RIMBP2: variants seen among roughly 807,000 people sequenced by gnomAD.
The protein encoded by RIMBP2 is RIMS binding protein 2, also known as RIMS-binding protein 2.
RIMBP2 carries 48 observed loss-of-function variants against 118.6 expected under a neutral mutation model. That is an observed-to-expected ratio of 0.40 (90% CI 0.32 to 0.51). RIMBP2 has a LOEUF of 0.51. RIMBP2 is among the 20% of genes least tolerant of loss of function. The pLI, the probability that RIMBP2 is intolerant of heterozygous loss-of-function variation, is 0.41. For missense variants in RIMBP2, 1,551 were observed against 1,768.3 expected, an observed-to-expected ratio of 0.88 and a Z score of 2.20; for synonymous variants, 762 against 742.9, an observed-to-expected ratio of 1.03 and a Z score of -0.42.
intron 1 of RIMBP2, among the ~76,000 whole-genome samples, chr12:130,695,539 G>A (rs1333283339): frequency 6.6e-6 from 1 of 152,156 alleles, no homozygotes; most frequent in Non-Finnish European, 1.5e-5. Flanking sequence ...TCCAGGAGTT[G>A]AAGACCAACC....
At chr12:130,509,155 G>A (rs1424118194) in intron 3 of RIMBP2, among the ~76,000 whole-genome samples, 1 of 152,192 alleles carries the variant, frequency 6.6e-6, no homozygotes, top group African/African-American at 2.4e-5. Context: ...CAGGATTTGG[G>A]GAGAATTCCT....
intron 1 of RIMBP2, among the ~76,000 whole-genome samples, chr12:130,696,171 G>A (rs1362875122): frequency 1.3e-5 from 2 of 152,182 alleles, no homozygotes; most frequent in Non-Finnish European, 2.9e-5. Context: ...GTGTCCACAA[G>A]GACAGGCACA....
At chr12:130,438,335 A>ACCGGGGCCCCCCCCCCC in intron 12 of RIMBP2, 30 bp downstream of exon 12, 2 of 865,014 alleles carry the variant, frequency 2.3e-6, no homozygotes, top group Non-Finnish European at 1.9e-6. Flanking sequence ...GGCCTAACAA[A>ACCGGGGCCCCCCCCCCC]CCCTCCCCAC....
intron 2 of RIMBP2, among the ~76,000 whole-genome samples, chr12:130,625,971 T>C (rs1410104453): frequency 2.0e-5 from 3 of 152,222 alleles, no homozygotes; most frequent in African/African-American, 7.2e-5. Context: ...TTTGTCTTTT[T>C]AGGGCATACA....
chr12:130,520,196 C>T (rs2051930421), intron 2 of RIMBP2, among the ~76,000 whole-genome samples: 1 of 152,170 alleles, frequency 6.6e-6, no homozygotes. Flanking sequence ...GATTCAAGGT[C>T]AGTTGCTTAT....
At chr12:130,665,981 C>T (rs111575021) in intron 1 of RIMBP2, among the ~76,000 whole-genome samples, 2,093 of 152,234 alleles carry the variant, frequency 0.014, 21 homozygotes, top group Non-Finnish European at 0.022. Context: ...ATCCTGTCTC[C>T]CTCTTTTTCT....
intron 4 of RIMBP2, among the ~76,000 whole-genome samples, chr12:130,502,032 G>A (rs953927181): frequency 6.6e-6 from 1 of 152,214 alleles, no homozygotes; most frequent in Non-Finnish European, 1.5e-5. Flanking sequence ...GGCCTTATGA[G>A]GTCTTCCATG....
At chr12:130,644,779 A>G (rs1213008523) in intron 1 of RIMBP2, among the ~76,000 whole-genome samples, 3 of 152,236 alleles carry the variant, frequency 2.0e-5, no homozygotes, top group African/African-American at 7.2e-5. Context: ...TATGTCTGAA[A>G]TCATCCTCCG....
intron 10 of RIMBP2, 111 bp downstream of exon 10, chr12:130,445,049 T>G: frequency 1.6e-5 from 11 of 667,378 alleles, no homozygotes. Flanking sequence ...GAGGGCTGGG[T>G]GGCCAGGAGT....
In RIMBP2 at chr12:130,442,765, AGGGTTGCCCTG is replaced by A; in HGVS notation, c.692-116_692-106del. 1.0e-6 allele frequency: 1 copy of A among 980,150 alleles called. No individual in the cohort carries two copies. The highest frequency in any genetic ancestry group is 1.7e-5 in the South Asian group (1 of 59,932). The allele number at this position is 980,150 out of a possible 1,614,324, so 60.7% of individuals were successfully genotyped here. A position where few individuals can be genotyped will look rare whatever the true frequency, so the allele number is the denominator to read the frequency against. On this transcript the variant is annotated intron_variant, in intron 10 of 22. Coordinates refer to ENST00000690449, the MANE Select transcript of RIMBP2 (RefSeq NM_001393629.1). This position sits in a 1 kb window ranked among gnomAD's most constrained non-coding sequence, Gnocchi z 6.9. ...CACCAGGACCATAAGGCAGAGCAAC[AGGGTTGCCCTG>A]GGGCTCCTCCGCTGTTCCCAGGAGT... is the stretch of plus-strand genomic sequence containing the variant.
intron 1 of RIMBP2, among the ~76,000 whole-genome samples, chr12:130,714,737 C>T (rs915650328): frequency 6.6e-6 from 1 of 152,244 alleles, no homozygotes; most frequent in Non-Finnish European, 1.5e-5. Context: ...CTTCCCCTCA[C>T]ACCGTGCCCC....
intron 22 of RIMBP2, chr12:130,399,182 A>G (rs1218739395): frequency 1.5e-6 from 2 of 1,319,924 alleles, no homozygotes; most frequent in Non-Finnish European, 2.0e-6. Context: ...GCAGATGAGC[A>G]AAGAAATAAA....
chr12:130,672,121 G>A (rs1028902277), intron 1 of RIMBP2, among the ~76,000 whole-genome samples: 5 of 152,124 alleles, frequency 3.3e-5, no homozygotes, highest in South Asian at 4.1e-4. Context: ...TGGACGACTC[G>A]GAATGTGCCT....
At chr12:130,606,333 T>G (rs912361484) in intron 2 of RIMBP2, among the ~76,000 whole-genome samples, 1 of 152,212 alleles carries the variant, frequency 6.6e-6, no homozygotes, top group Non-Finnish European at 1.5e-5. Flanking sequence ...CCTCTCACTA[T>G]TATTCTACCA....
At position 130,424,826 on chromosome 12, in the gene RIMBP2, A is replaced by G; in HGVS notation, c.2445T>C (p.Thr815=). ...DCTDHRTSEG[T]FWEQPEFPHQ... ...GGGGAAACTCGGGCTGCTCCCAGAA[A>G]GTGCCTTCCGAGGTCCTATGGTCAG... Residue 815 remains threonine (T), a synonymous_variant, in exon 16 of 23, where the codon ACT becomes ACC. Transcript: ENST00000690449. The surrounding 1 kb of genome is among the most constrained non-coding windows in gnomAD (Gnocchi z 9.8). 2 of 1,232,666 alleles carry G rather than the reference A, an allele frequency of 1.6e-6. No individual in the cohort carries two copies. Among genetic ancestry groups the G allele is most frequent in the Middle Eastern group, 3.1e-4 (1 of 3,214 alleles). 76.4% of individuals were successfully genotyped at this position (1,232,666 alleles called of 1,614,324 possible).
intron 2 of RIMBP2, among the ~76,000 whole-genome samples, chr12:130,587,785 T>A (rs1228647257): frequency 8.7e-5 from 12 of 137,502 alleles, no homozygotes; most frequent in Non-Finnish European, 4.6e-5. Context: ...CATATGTAAC[T>A]AACCTGCACA....
At chr12:130,415,572 T>G (rs1194726315) in intron 17 of RIMBP2, among the ~76,000 whole-genome samples, 7 of 152,066 alleles carry the variant, frequency 4.6e-5, no homozygotes, top group South Asian at 2.1e-4. Flanking sequence ...GAGAAAGAAA[T>G]AAAAGGCATC....
intron 1 of RIMBP2, among the ~76,000 whole-genome samples, chr12:130,631,580 C>T (rs1012988499): frequency 1.6e-4 from 24 of 152,186 alleles, no homozygotes; most frequent in African/African-American, 5.1e-4. Flanking sequence ...CAACGCCAAC[C>T]CTGAAAGGCA....
At chr12:130,451,147 C>G in intron 8 of RIMBP2, 48 bp downstream of exon 8, 1 of 1,593,858 alleles carries the variant, frequency 6.3e-7, no homozygotes, top group Non-Finnish European at 8.6e-7. Context: ...CCACACCAGA[C>G]ACACACAGCA....
Sources: allele counts gnomAD v4.1 joint callset (sites outside exome capture counted in the v4.1 genomes callset), GRCh38; gene constraint gnomAD v4.1.1; non-coding constraint Gnocchi (gnomAD v3.1); transcripts MANE v1.5; gene names NCBI Gene and HGNC (gene_info 2026-07-23, HGNC 2026-07-21).